CDK19: variants seen among roughly 807,000 people sequenced by gnomAD.
The protein encoded by CDK19 is cyclin-dependent kinase 19.
A neutral mutation model predicts 68.3 loss-of-function variants in CDK19; 20 were observed. The ratio of observed to expected loss-of-function variants is 0.29; its 90% confidence interval spans 0.21 to 0.43. CDK19 has a LOEUF of 0.43. Ranked by LOEUF, CDK19 falls within the 20% of genes least tolerant of loss-of-function variation. The pLI, the probability that CDK19 is intolerant of heterozygous loss-of-function variation, is 1.00. For missense variants in CDK19, 339 were observed against 623.5 expected (o/e 0.54, Z 4.86); for synonymous variants, 221 against 222.8 (o/e 0.99, Z 0.07).
At chr6:110,631,467 T>G (rs1176648451) in intron 6 of CDK19, among the ~76,000 whole-genome samples, 2 of 152,220 alleles carry the variant, frequency 1.3e-5, no homozygotes. Flanking sequence ...ACAGATTTTC[T>G]TACTCAGTTT....
At chr6:110,769,689 CAATT>C (rs1192783488) in intron 1 of CDK19, among the ~76,000 whole-genome samples, 1 of 151,892 alleles carries the variant, frequency 6.6e-6, no homozygotes, top group Non-Finnish European at 1.5e-5. Context: ...AGAAAATAGT[CAATT>C]AATTTTTTTA....
chr6:110,639,129 C>T (rs984942074), intron 4 of CDK19, among the ~76,000 whole-genome samples: 3 of 152,040 alleles, frequency 2.0e-5, no homozygotes, highest in Admixed American at 6.5e-5. Context: ...TCTAAACTAC[C>T]GTAGAAAAAC....
At chr6:110,727,423 T>C (rs1776392201) in intron 2 of CDK19, among the ~76,000 whole-genome samples, 1 of 152,190 alleles carries the variant, frequency 6.6e-6, no homozygotes, top group Non-Finnish European at 1.5e-5. Flanking sequence ...TCTTTCAGAA[T>C]GCCTTCAATC....
chr6:110,635,829 G>A (rs1350884057), intron 5 of CDK19, among the ~76,000 whole-genome samples: 1 of 152,174 alleles, frequency 6.6e-6, no homozygotes, highest in Non-Finnish European at 1.5e-5. Flanking sequence ...GAGCCACTGT[G>A]CCCAGCCCAA....
chr6:110,747,538 TA>T, intron 1 of CDK19, among the ~76,000 whole-genome samples: 1 of 152,214 alleles, frequency 6.6e-6, no homozygotes, highest in East Asian at 1.9e-4. Context: ...TTATACTATA[TA>T]AAAATATACA....
chr6:110,716,888 C>G (rs976221618), intron 2 of CDK19, among the ~76,000 whole-genome samples: 1 of 152,180 alleles, frequency 6.6e-6, no homozygotes, highest in Non-Finnish European at 1.5e-5. Flanking sequence ...AATCCCAGCA[C>G]TTTGGGAGGC....
chr6:110,735,236 C>A (rs530580087), intron 2 of CDK19, among the ~76,000 whole-genome samples: 2 of 151,940 alleles, frequency 1.3e-5, no homozygotes, highest in South Asian at 4.2e-4. Flanking sequence ...CATCAGCCAC[C>A]ACGCCCAGCA....
At chr6:110,660,127 T>C (rs1197631469) in intron 4 of CDK19, among the ~76,000 whole-genome samples, 5 of 152,184 alleles carry the variant, frequency 3.3e-5, no homozygotes, top group Non-Finnish European at 7.3e-5. Context: ...CCATCACAGC[T>C]AGCCCCAAAT....
chr6:110,713,195 C>CAAAAA (rs552100163), intron 2 of CDK19, among the ~76,000 whole-genome samples: 2 of 50,066 alleles, frequency 4.0e-5, no homozygotes, highest in Admixed American at 2.2e-4. Flanking sequence ...GATCCCATCT[C>CAAAAA]AAAAAAAAAA....
chr6:110,688,581 G>A (rs1360445424), intron 2 of CDK19, among the ~76,000 whole-genome samples: 2 of 152,124 alleles, frequency 1.3e-5, no homozygotes, highest in Admixed American at 6.6e-5. Flanking sequence ...TCTCCTGAGT[G>A]TGAGAAGGGG....
intron 1 of CDK19, among the ~76,000 whole-genome samples, chr6:110,748,661 T>C (rs1487756681): frequency 6.6e-6 from 1 of 152,244 alleles, no homozygotes; most frequent in African/African-American, 2.4e-5. Context: ...TGCCAATCTT[T>C]GGGCATATGC....
chr6:110,760,648 G>T (rs537499783), intron 1 of CDK19, among the ~76,000 whole-genome samples: 1 of 152,240 alleles, frequency 6.6e-6, no homozygotes, highest in African/African-American at 2.4e-5. Flanking sequence ...AGAACAGCTT[G>T]AACTGAGAGG....
chr6:110,717,645 G>A (rs900128357), intron 2 of CDK19, among the ~76,000 whole-genome samples: 1 of 152,140 alleles, frequency 6.6e-6, no homozygotes, highest in African/African-American at 2.4e-5. Context: ...GGCCTTTCGG[G>A]GGTGATTAAG....
At chr6:110,651,521 T>C (rs1320304854) in intron 4 of CDK19, among the ~76,000 whole-genome samples, 2 of 152,308 alleles carry the variant, frequency 1.3e-5, no homozygotes, top group South Asian at 2.1e-4. Flanking sequence ...TTGCTTGCGC[T>C]CAGGAGTTTG....
chr6:110,708,912 G>C (rs978850395), intron 2 of CDK19, among the ~76,000 whole-genome samples: 1 of 152,078 alleles, frequency 6.6e-6, no homozygotes, highest in South Asian at 2.1e-4. Context: ...TAAGAAATAA[G>C]CACCTAGAAA....
rs559808690 is a variant in CDK19, at chr6:110,674,167, C to T, written c.205-3626G>A. On this transcript the variant is annotated intron_variant, in intron 2 of 12. Transcript: ENST00000368911. ...TTTGAAGCATCACAAATTGCACCCACATAAGATGGCAAACTTAATCTATAA... is the reference window on the plus strand; with the variant it reads ...TTTGAAGCATCACAAATTGCACCCATATAAGATGGCAAACTTAATCTATAA... 1.4e-4 allele frequency among the ~76,000 whole-genome samples: 22 copies of T among 152,304 alleles called. No homozygotes were observed. The South Asian group carries it at 4.6e-3, about 32-fold the overall frequency.
chr6:110,672,293 G>A (rs748895873), intron 2 of CDK19, among the ~76,000 whole-genome samples: 1 of 152,074 alleles, frequency 6.6e-6, no homozygotes, highest in Admixed American at 6.6e-5. Flanking sequence ...CTCCACTTCC[G>A]CATCTAAACC....
intron 6 of CDK19, 61 bp downstream of exon 6, chr6:110,631,969 T>C: frequency 1.4e-6 from 2 of 1,451,332 alleles, no homozygotes; most frequent in Non-Finnish European, 1.9e-6. Flanking sequence ...TTTATTATTA[T>C]ACCATTTTAT....
chr6:110,684,041 T>G (rs1022795817), intron 2 of CDK19, among the ~76,000 whole-genome samples: 1 of 151,672 alleles, frequency 6.6e-6, no homozygotes, highest in African/African-American at 2.4e-5. Flanking sequence ...CATGAGAAAA[T>G]TGGATATACT....
Sources: allele counts gnomAD v4.1 joint callset (sites outside exome capture counted in the v4.1 genomes callset), GRCh38; gene constraint gnomAD v4.1.1; transcripts MANE v1.5; gene names NCBI Gene and HGNC (gene_info 2026-07-23, HGNC 2026-07-21).